CSMD1: variants seen among roughly 807,000 people sequenced by gnomAD.
CSMD1 encodes the protein CUB and sushi domain-containing protein 1.
Under a neutral mutation model 417.5 loss-of-function variants are expected in CSMD1, and 213 were observed. The observed-to-expected ratio is 0.51, with a 90% CI of 0.46 to 0.57. The LOEUF is 0.57. Ranked by LOEUF, CSMD1 falls within the 20% of genes least tolerant of loss-of-function variation. The probability of loss-of-function intolerance (pLI) is 0.00; values close to 1 mark genes in which losing one functional copy is unlikely to be tolerated. For synonymous variants in CSMD1, 2,862 were observed against 1,736.8 expected (o/e 1.65, Z -16.11); for missense variants, 6,923 against 4,529.7 (o/e 1.53, Z -15.17).
At chr8:3,707,039 T>C (rs905129463) in intron 7 of CSMD1, among the ~76,000 whole-genome samples, 3 of 151,684 alleles carry the variant, frequency 2.0e-5, no homozygotes, top group Non-Finnish European at 4.4e-5. Context: ...ACCAGAGGGG[T>C]AGTCAGAGTA....
intron 2 of CSMD1, among the ~76,000 whole-genome samples, chr8:4,603,136 G>A (rs989578996): frequency 2.6e-5 from 4 of 152,074 alleles, no homozygotes; most frequent in African/African-American, 9.6e-5. Flanking sequence ...TTTTTATGGA[G>A]ACATAGCTAT....
intron 5 of CSMD1, among the ~76,000 whole-genome samples, chr8:3,945,197 A>AC: frequency 7.0e-6 from 1 of 142,064 alleles, no homozygotes; most frequent in South Asian, 2.3e-4. Context: ...AAAAAAAAAA[A>AC]CAGAAGCTAA....
At chr8:4,611,280 C>T (rs926934537) in intron 2 of CSMD1, among the ~76,000 whole-genome samples, 2 of 152,122 alleles carry the variant, frequency 1.3e-5, no homozygotes, top group African/African-American at 4.8e-5. Flanking sequence ...TTGTGAAAAC[C>T]TTTTCATACC....
intron 26 of CSMD1, among the ~76,000 whole-genome samples, chr8:3,245,926 C>T (rs1799852943): frequency 6.6e-6 from 1 of 152,164 alleles, no homozygotes. Context: ...ACTTGAAAGC[C>T]TATTCAACAA....
chr8:3,620,978 T>A (rs1395851431), intron 7 of CSMD1, among the ~76,000 whole-genome samples: 1 of 152,108 alleles, frequency 6.6e-6, no homozygotes, highest in East Asian at 1.9e-4. Flanking sequence ...TAACTTAAAG[T>A]GTCATCCTTA....
chr8:4,023,544 C>A (rs1451699337), intron 4 of CSMD1, among the ~76,000 whole-genome samples: 1 of 151,438 alleles, frequency 6.6e-6, no homozygotes, highest in Non-Finnish European at 1.5e-5. Context: ...GAGCAATATT[C>A]ACGCACTTAC....
At chr8:3,487,265 G>T (rs888957257) in intron 11 of CSMD1, among the ~76,000 whole-genome samples, 3 of 152,002 alleles carry the variant, frequency 2.0e-5, no homozygotes, top group Non-Finnish European at 4.4e-5. Context: ...GCAGTGGCGC[G>T]ATCTTGGCTC....
chr8:4,103,240 T>C (rs1045601880), intron 3 of CSMD1, among the ~76,000 whole-genome samples: 3 of 135,880 alleles, frequency 2.2e-5, no homozygotes, highest in African/African-American at 5.5e-5. Context: ...TATAAATCTA[T>C]ACTGATGATC....
intron 1 of CSMD1, among the ~76,000 whole-genome samples, chr8:4,737,190 A>G (rs1252001185): frequency 1.3e-5 from 2 of 152,210 alleles, no homozygotes; most frequent in East Asian, 1.9e-4. Flanking sequence ...CTGCAGGGAC[A>G]TGGATGGAAC....
chr8:3,945,399 T>G (rs1424041423), intron 5 of CSMD1, among the ~76,000 whole-genome samples: 1 of 152,074 alleles, frequency 6.6e-6, no homozygotes, highest in Non-Finnish European at 1.5e-5. Flanking sequence ...AATGAACGGC[T>G]TAACTTTTTT....
chr8:4,556,069 C>T (rs1208563803), intron 2 of CSMD1, among the ~76,000 whole-genome samples: 4 of 151,902 alleles, frequency 2.6e-5, no homozygotes, highest in African/African-American at 9.7e-5. Context: ...GTTTAAATTT[C>T]TCGAATTTAC....
chr8:4,779,016 A>G (rs942082206), intron 1 of CSMD1, among the ~76,000 whole-genome samples: 3 of 152,188 alleles, frequency 2.0e-5, no homozygotes, highest in East Asian at 1.9e-4. Context: ...GTATGCAATG[A>G]CCAGATTGAT....
chr8:3,664,739 A>G (rs1206436867), intron 7 of CSMD1, among the ~76,000 whole-genome samples: 1 of 152,224 alleles, frequency 6.6e-6, no homozygotes, highest in Admixed American at 6.5e-5. Flanking sequence ...TCTAATGAAG[A>G]TGTCCAGGTT....
At chr8:3,861,324 G>T (rs973370908) in intron 5 of CSMD1, among the ~76,000 whole-genome samples, 1 of 152,150 alleles carries the variant, frequency 6.6e-6, no homozygotes, top group Non-Finnish European at 1.5e-5. Context: ...ATCTTGGCTG[G>T]CATAACTGCC....
chr8:4,014,813 C>T (rs1796444563), intron 4 of CSMD1, among the ~76,000 whole-genome samples: 1 of 152,138 alleles, frequency 6.6e-6, no homozygotes, highest in African/African-American at 2.4e-5. Flanking sequence ...CTTTACAGCT[C>T]TATAACCTAA....
intron 1 of CSMD1, among the ~76,000 whole-genome samples, chr8:4,813,716 G>A (rs897557661): frequency 1.3e-5 from 2 of 152,130 alleles, no homozygotes; most frequent in East Asian, 1.9e-4. Flanking sequence ...AATTCAAGAT[G>A]GAAACAGGAT....
At chr8:4,071,351 C>G (rs1799547127) in intron 3 of CSMD1, among the ~76,000 whole-genome samples, 3 of 152,090 alleles carry the variant, frequency 2.0e-5, no homozygotes, top group African/African-American at 7.2e-5. Flanking sequence ...AGCTCCCTAA[C>G]TCTTATGTCA....
intron 3 of CSMD1, among the ~76,000 whole-genome samples, chr8:4,198,244 G>C (rs1416731681): frequency 6.6e-6 from 1 of 152,224 alleles, no homozygotes; most frequent in Non-Finnish European, 1.5e-5. Flanking sequence ...ATCCCATTAA[G>C]TTATCCTCAA....
chr8:3,185,631 G>C (rs541596664), intron 36 of CSMD1, among the ~76,000 whole-genome samples: 2 of 152,160 alleles, frequency 1.3e-5, no homozygotes, highest in East Asian at 1.9e-4. Flanking sequence ...ATAGTTACTC[G>C]AGGGAAGGCT....
Sources: allele counts gnomAD v4.1 joint callset (sites outside exome capture counted in the v4.1 genomes callset), GRCh38; gene constraint gnomAD v4.1.1; transcripts MANE v1.5; gene names NCBI Gene and HGNC (gene_info 2026-07-23, HGNC 2026-07-21).